CHST9: variants seen among roughly 807,000 people sequenced by gnomAD.
CHST9 encodes the protein carbohydrate sulfotransferase 9.
A neutral mutation model predicts 44.4 loss-of-function variants in CHST9; 41 were observed. That is an observed-to-expected ratio of 0.92 (90% confidence interval 0.72 to 1.20). The LOEUF (loss-of-function observed/expected upper bound fraction) is 1.20, where lower values mean the gene tolerates loss of function less well. Ranked by LOEUF, CHST9 falls within the 50% of genes most tolerant of loss-of-function variation. The pLI, the probability that CHST9 is intolerant of heterozygous loss-of-function variation, is 0.00. For missense variants in CHST9, 504 were observed against 516.5 expected (o/e 0.98, Z 0.23); for synonymous variants, 171 against 178.4 (o/e 0.96, Z 0.33).
intron 2 of CHST9, among the ~76,000 whole-genome samples, chr18:27,053,193 AGAAAGAACAAGAAGAG>A (rs2057597103): frequency 6.8e-6 from 1 of 146,458 alleles, no homozygotes; most frequent in African/African-American, 2.5e-5. Context: ...AAGAAGAAGA[AGAAAGAACAAGAAGAG>A]GAGGAAGAGG....
At chr18:27,122,670 G>A (rs182670148) in intron 2 of CHST9, among the ~76,000 whole-genome samples, 1 of 152,296 alleles carries the variant, frequency 6.6e-6, no homozygotes, top group Admixed American at 6.5e-5. Flanking sequence ...GGAGCTGAAA[G>A]AGTGAAGGAG....
At chr18:26,920,821 TC>T (rs1245904654) in intron 5 of CHST9, among the ~76,000 whole-genome samples, 1 of 152,212 alleles carries the variant, frequency 6.6e-6, no homozygotes, top group African/African-American at 2.4e-5. Flanking sequence ...CACATGGGAA[TC>T]TGCTTGCAGT....
chr18:26,950,517 T>A (rs1391862129), intron 4 of CHST9, among the ~76,000 whole-genome samples: 7 of 152,186 alleles, frequency 4.6e-5, no homozygotes, highest in Non-Finnish European at 8.8e-5. Flanking sequence ...GTGGTATATA[T>A]ACACCGTGGA....
intron 2 of CHST9, among the ~76,000 whole-genome samples, chr18:27,083,999 T>C (rs2143689952): frequency 6.6e-6 from 1 of 152,212 alleles, no homozygotes; most frequent in South Asian, 2.1e-4. Flanking sequence ...CCTACTTGAT[T>C]GTGGTGGATT....
intron 4 of CHST9, among the ~76,000 whole-genome samples, chr18:26,958,364 T>A (rs2056354671): frequency 6.6e-6 from 1 of 151,980 alleles, no homozygotes; most frequent in African/African-American, 2.4e-5. Context: ...TCCCATAGGA[T>A]TGGCACAGAT....
At chr18:27,141,096 C>T (rs986711344) in intron 2 of CHST9, among the ~76,000 whole-genome samples, 1 of 152,122 alleles carries the variant, frequency 6.6e-6, no homozygotes, top group East Asian at 1.9e-4. Flanking sequence ...CGGTGGCTCA[C>T]GCCTGTAATC....
At position 27,155,783 on chromosome 18, in the gene CHST9, T is replaced by C. The variant is rs535248886; in HGVS notation, c.-96-12878A>G. Among the ~76,000 whole-genome samples the C allele has an allele frequency of 1.5e-4, 23 of 152,158 alleles. 2 individuals are homozygous for C. In the South Asian group the frequency reaches 4.8e-3, roughly 32 times the overall value. Reference sequence around the variant, plus strand: ...TAGTTTGTTAATACCTTTTTGTAAATCCAGGGCTCAGAAATAGATACAATA... The same window carrying C: ...TAGTTTGTTAATACCTTTTTGTAAACCCAGGGCTCAGAAATAGATACAATA... On this transcript the variant is annotated intron_variant, in intron 1 of 5. Coordinates refer to ENST00000618847, the MANE Select transcript of CHST9 (RefSeq NM_031422.6).
At chr18:27,135,260 T>C (rs76555371) in intron 2 of CHST9, among the ~76,000 whole-genome samples, 2,680 of 152,282 alleles carry the variant, frequency 0.018, 65 homozygotes, top group African/African-American at 0.059. Context: ...CCGTTTCATA[T>C]TGGGAACAAA....
chr18:27,090,393 G>T (rs9963450), intron 2 of CHST9, among the ~76,000 whole-genome samples: 1,583 of 152,144 alleles, frequency 0.01, 23 homozygotes, highest in African/African-American at 0.033. Flanking sequence ...CTATTCTCTA[G>T]GTTGCCTGTT....
intron 1 of CHST9, among the ~76,000 whole-genome samples, chr18:27,181,516 C>A (rs2058912294): frequency 6.6e-6 from 1 of 152,142 alleles, no homozygotes; most frequent in South Asian, 2.1e-4. Flanking sequence ...CTTGCTATTC[C>A]TTCTCTTGGA....
At chr18:27,059,847 G>A (rs1306664298) in intron 2 of CHST9, among the ~76,000 whole-genome samples, 5 of 152,092 alleles carry the variant, frequency 3.3e-5, no homozygotes, top group South Asian at 2.1e-4. Context: ...ATTGACCCAC[G>A]TCAAAGGTTT....
chr18:26,940,636 T>C (rs1035189919), intron 5 of CHST9, among the ~76,000 whole-genome samples: 38 of 151,988 alleles, frequency 2.5e-4, no homozygotes, highest in African/African-American at 7.5e-4. Context: ...GAGAAGCTGG[T>C]TGGGAGAGGT....
intron 4 of CHST9, among the ~76,000 whole-genome samples, chr18:26,989,172 A>C (rs2056787665): frequency 6.6e-6 from 1 of 152,316 alleles, no homozygotes; most frequent in Admixed American, 6.5e-5. Context: ...ACCAAGATAA[A>C]TATATGCAAA....
At chr18:26,993,333 C>T (rs1021353094) in intron 4 of CHST9, among the ~76,000 whole-genome samples, 22 of 152,076 alleles carry the variant, frequency 1.4e-4, no homozygotes, top group Non-Finnish European at 2.9e-5. Flanking sequence ...AGAATTGAAA[C>T]CTTAAATTTT....
chr18:27,053,322 G>GAGA (rs1427635562), intron 2 of CHST9, among the ~76,000 whole-genome samples: 2 of 97,664 alleles, frequency 2.0e-5, no homozygotes, highest in Non-Finnish European at 4.3e-5. Context: ...GAAGGAGAAG[G>GAGA]AGAAGATTTC....
At chr18:26,995,639 A>T (rs2056879447) in intron 4 of CHST9, among the ~76,000 whole-genome samples, 1 of 152,168 alleles carries the variant, frequency 6.6e-6, no homozygotes, top group Admixed American at 6.5e-5. Context: ...GTCAGTCCAA[A>T]TTTTCCTTTT....
At chr18:26,934,567 C>A (rs2055951572) in intron 5 of CHST9, 1 of 152,180 alleles carries the variant, frequency 6.6e-6, no homozygotes, top group Non-Finnish European at 1.5e-5. Context: ...ACTCTGCCAG[C>A]CAAGTGGCAA....
At chr18:27,181,627 A>G (rs1297835721) in intron 1 of CHST9, among the ~76,000 whole-genome samples, 1 of 152,224 alleles carries the variant, frequency 6.6e-6, no homozygotes, top group Non-Finnish European at 1.5e-5. Flanking sequence ...TAATAGTAAG[A>G]TGCATACATT....
intron 5 of CHST9, among the ~76,000 whole-genome samples, chr18:26,926,018 A>G (rs1057323971): frequency 2.6e-5 from 4 of 152,230 alleles, no homozygotes; most frequent in African/African-American, 9.6e-5. Context: ...GGAAAGAGAA[A>G]AGATAAAATT....
Sources: gnomAD v4.1 joint callset for allele counts (sites outside exome capture counted in the v4.1 genomes callset) on GRCh38, gnomAD v4.1.1 for gene constraint, MANE v1.5 for transcripts, NCBI Gene and HGNC (gene_info 2026-07-23, HGNC 2026-07-21) for gene names.